Variants in ZNF652 observed in about 807,000 individuals in gnomAD.
ZNF652 encodes zinc finger protein 652.
ZNF652 carries 16 observed loss-of-function variants against 45.2 expected under a neutral mutation model. The ratio of observed to expected loss-of-function variants is 0.35; its 90% confidence interval spans 0.24 to 0.54. The LOEUF is 0.54. ZNF652 is among the 20% of genes least tolerant of loss of function. The pLI, the probability that ZNF652 is intolerant of heterozygous loss-of-function variation, is 0.91. For synonymous variants in ZNF652, 250 were observed against 260.6 expected (o/e 0.96, Z 0.39); for missense variants, 614 against 765.6 (o/e 0.80, Z 2.34).
Position 49,298,693 on chromosome 17 carries a change from G to T in ZNF652, c.1541C>A (p.Thr514Asn), listed in dbSNP as rs772998781. 94 of 1,613,894 alleles carry T rather than the reference G, an allele frequency of 5.8e-5. No individual in the cohort carries two copies. Among genetic ancestry groups the T allele is most frequent in the Non-Finnish European group, 7.8e-5 (92 of 1,180,034 alleles). The change falls in exon 6 of 6, where the codon ACC becomes AAC. Residue 514 changes from threonine (T) to asparagine (N), a missense_variant. This residue lies in a region of ZNF652 where 132 missense variants were observed against 137.2 expected (regional missense o/e 0.96). Coordinates refer to ENST00000430262, the MANE Select transcript of ZNF652 (RefSeq NM_001145365.3). ...VQIPLTTSPATPVPSVVNTAT... is the reference protein window; with the variant it reads ...VQIPLTTSPANPVPSVVNTAT... The stretch of plus-strand genomic sequence containing the variant: ...TGTGTTCACCACAGAAGGAACTGGG[G>T]TGGCTGGGGAAGTTGTAAGTGGGAT...
At chr17:49,307,064 A>G (rs375868280) in intron 5 of ZNF652, among the ~76,000 whole-genome samples, 77 of 152,226 alleles carry the variant, frequency 5.1e-4, no homozygotes, top group African/African-American at 1.7e-3. Flanking sequence ...GTGGCTATCT[A>G]TAACAGTAGA....
chr17:49,333,652 G>A (rs1486252874), intron 1 of ZNF652, among the ~76,000 whole-genome samples: 10 of 147,976 alleles, frequency 6.8e-5, no homozygotes, highest in African/African-American at 2.5e-5. Flanking sequence ...CCCAGGAGGC[G>A]GAGCTTGCAG....
At chr17:49,358,445 TATG>T (rs776408393) in intron 1 of ZNF652, among the ~76,000 whole-genome samples, 8 of 152,232 alleles carry the variant, frequency 5.3e-5, no homozygotes, top group Non-Finnish European at 8.8e-5. Context: ...TTTTAAAGGC[TATG>T]GTTCAAAATA....
chr17:49,309,491 G>A (rs1210867715), intron 5 of ZNF652, among the ~76,000 whole-genome samples: 1 of 149,996 alleles, frequency 6.7e-6, no homozygotes, highest in Non-Finnish European at 1.5e-5. Context: ...CTGGGTGACG[G>A]AGCAAGACTC....
At chr17:49,336,032 T>G (rs1291845034) in intron 1 of ZNF652, among the ~76,000 whole-genome samples, 1 of 152,128 alleles carries the variant, frequency 6.6e-6, no homozygotes, top group Non-Finnish European at 1.5e-5. Context: ...TTACTTTTTT[T>G]TTTTTGTTTT....
intron 1 of ZNF652, among the ~76,000 whole-genome samples, chr17:49,320,189 C>G (rs1369648587): frequency 2.0e-5 from 3 of 152,112 alleles, no homozygotes; most frequent in Non-Finnish European, 4.4e-5. Context: ...ATGAGTAGTT[C>G]ACAATTATTT....
chr17:49,352,626 T>TC (rs1207775227), intron 1 of ZNF652, among the ~76,000 whole-genome samples: 1 of 152,176 alleles, frequency 6.6e-6, no homozygotes, highest in Non-Finnish European at 1.5e-5. Context: ...GCAATCCCCC[T>TC]CCTAGGTATT....
At chr17:49,352,730 T>C (rs2070295169) in intron 1 of ZNF652, among the ~76,000 whole-genome samples, 1 of 152,220 alleles carries the variant, frequency 6.6e-6, no homozygotes, top group Admixed American at 6.5e-5. Flanking sequence ...GGAAGCCAAA[T>C]GTCCCTCAAA....
intron 2 of ZNF652, among the ~76,000 whole-genome samples, chr17:49,314,278 C>T (rs1378289009): frequency 6.6e-6 from 1 of 151,836 alleles, no homozygotes; most frequent in African/African-American, 2.4e-5. Flanking sequence ...TCTCCTGCCT[C>T]AGCCTCCCAA....
At chr17:49,356,578 A>G (rs1455018371) in intron 1 of ZNF652, among the ~76,000 whole-genome samples, 1 of 152,084 alleles carries the variant, frequency 6.6e-6, no homozygotes, top group African/African-American at 2.4e-5. Flanking sequence ...ACATAGCATT[A>G]GGGCTATTAT....
intron 1 of ZNF652, chr17:49,361,021 C>T (rs1364661008): frequency 1.3e-5 from 2 of 152,240 alleles, no homozygotes; most frequent in Admixed American, 1.3e-4. Flanking sequence ...TGGAAAGCAC[C>T]CTTCTCCAAA....
intron 5 of ZNF652, among the ~76,000 whole-genome samples, chr17:49,305,398 G>A (rs1177479241): frequency 1.3e-5 from 2 of 151,988 alleles, no homozygotes; most frequent in Non-Finnish European, 2.9e-5. Flanking sequence ...AGTGAGCTGA[G>A]ATCACACCAC....
At chr17:49,315,759 C>T (rs1315116146) in intron 2 of ZNF652, among the ~76,000 whole-genome samples, 1 of 152,132 alleles carries the variant, frequency 6.6e-6, no homozygotes, top group Admixed American at 6.6e-5. Flanking sequence ...ACTCAGTCTT[C>T]TTTTATTTAC....
chr17:49,323,809 AAC>A (rs369387254), intron 1 of ZNF652, among the ~76,000 whole-genome samples: 76 of 152,334 alleles, frequency 5.0e-4, no homozygotes, highest in African/African-American at 1.7e-3. Flanking sequence ...AGTAGGTTAT[AAC>A]AGTGGGCTTA....
intron 2 of ZNF652, among the ~76,000 whole-genome samples, chr17:49,315,119 G>A (rs1378334384): frequency 6.7e-6 from 1 of 148,570 alleles, no homozygotes; most frequent in Admixed American, 6.9e-5. Flanking sequence ...TCGGCTCACT[G>A]CAACCTCCGC....
rs1174658768 is a variant in ZNF652 at position 49,290,880 on chromosome 17, T to C, written c.*7533A>G. The C allele has an allele frequency of 1.3e-5, 2 of 152,192 alleles. No individual in the cohort carries two copies. Among genetic ancestry groups the C allele is most frequent in the African/African-American group, 4.8e-5 (2 of 41,442 alleles). 9.4% of individuals were successfully genotyped at this position (152,192 alleles called of 1,614,324 possible). On this transcript the variant is annotated 3_prime_UTR_variant, in exon 6 of 6. Coordinates refer to ENST00000430262, the MANE Select transcript of ZNF652 (RefSeq NM_001145365.3). Reference sequence around the variant, plus strand: ...AAAAGTGGGATCTTTCTTTAGAAGGTTGAGAATAAAGCTAACGTACTTTAT... The same window carrying C: ...AAAAGTGGGATCTTTCTTTAGAAGGCTGAGAATAAAGCTAACGTACTTTAT...
intron 1 of ZNF652, among the ~76,000 whole-genome samples, chr17:49,336,101 T>G (rs975462935): frequency 1.3e-5 from 2 of 152,052 alleles, no homozygotes; most frequent in Admixed American, 1.3e-4. Context: ...CTTGGCTCAC[T>G]GCAACCTCCG....
chr17:49,290,532 C>T lies in ZNF652; in HGVS notation c.*7881G>A, dbSNP rs913595569. ...TTTCCTTACTCATACTCCAGAGTTC[C>T]CCCAGTGCTCTTGTTCCTCCTATAG... On this transcript the variant is annotated 3_prime_UTR_variant, in exon 6 of 6. Coordinates refer to ENST00000430262, the MANE Select transcript of ZNF652 (RefSeq NM_001145365.3). 6.6e-6 allele frequency: 1 copy of T among 152,232 alleles called. No individual in the cohort carries two copies. The highest frequency in any genetic ancestry group is 1.5e-5 in the Non-Finnish European group (1 of 68,098). The allele number at this position is 152,232 out of a possible 1,614,324, so 9.4% of individuals were successfully genotyped here.
intron 5 of ZNF652, among the ~76,000 whole-genome samples, chr17:49,307,586 C>G (rs80038366): frequency 8.1e-6 from 1 of 123,572 alleles, no homozygotes; most frequent in Non-Finnish European, 1.7e-5. Context: ...ACTAAAAATA[C>G]AAAAAAAAAA....
Sources: gnomAD v4.1 joint callset for allele counts (sites outside exome capture counted in the v4.1 genomes callset) on GRCh38, gnomAD v4.1.1 for gene constraint, gnomAD v4.1.1 regional missense constraint, MANE v1.5 for transcripts, NCBI Gene and HGNC (gene_info 2026-07-23, HGNC 2026-07-21) for gene names.